The following KATNIP variants were observed in gnomAD, a reference collection of about 807,000 sequenced individuals.
The protein encoded by KATNIP is katanin interacting protein.
In KATNIP, 126 loss-of-function variants were observed where a neutral mutation model predicts 174.0. The ratio of observed to expected loss-of-function variants is 0.72; its 90% CI spans 0.63 to 0.84. The LOEUF (loss-of-function observed/expected upper bound fraction) is 0.84, where lower values mean the gene tolerates loss of function less well. Ranked by LOEUF, KATNIP falls within the 40% of genes least tolerant of loss-of-function variation. The pLI is 0.00. For synonymous variants in KATNIP, 810 were observed against 835.7 expected (o/e 0.97, Z 0.53); for missense variants, 1,958 against 2,109.7 (o/e 0.93, Z 1.41).
chr16:27,560,990 G>A (rs923623022), intron 1 of KATNIP, among the ~76,000 whole-genome samples: 11 of 152,008 alleles, frequency 7.2e-5, no homozygotes, highest in African/African-American at 2.4e-4. Context: ...TCCAGGGACC[G>A]TGGCTGCATC....
At chr16:27,691,895 G>A (rs2078747607) in intron 8 of KATNIP, among the ~76,000 whole-genome samples, 1 of 152,198 alleles carries the variant, frequency 6.6e-6, no homozygotes, top group African/African-American at 2.4e-5. Context: ...CCAAGAGGAA[G>A]TGAGCATAGG....
At chr16:27,760,376 TC>T (rs1265075367) in intron 18 of KATNIP, among the ~76,000 whole-genome samples, 1 of 152,192 alleles carries the variant, frequency 6.6e-6, no homozygotes, top group East Asian at 1.9e-4. Context: ...CAGGGCTTGA[TC>T]AAGAGATTCA....
At chr16:27,598,896 G>T (rs1392712951) in intron 2 of KATNIP, among the ~76,000 whole-genome samples, 1 of 152,166 alleles carries the variant, frequency 6.6e-6, no homozygotes, top group Non-Finnish European at 1.5e-5. Context: ...GTAGAAACAG[G>T]TGGGCCTTCA....
At chr16:27,641,433 T>G (rs958858423) in intron 5 of KATNIP, among the ~76,000 whole-genome samples, 4 of 151,910 alleles carry the variant, frequency 2.6e-5, no homozygotes, top group African/African-American at 7.3e-5. Flanking sequence ...ACCCAATCAC[T>G]GGGGGGACAG....
intron 6 of KATNIP, among the ~76,000 whole-genome samples, chr16:27,673,581 T>A (rs890374039): frequency 6.6e-6 from 1 of 152,186 alleles, no homozygotes; most frequent in South Asian, 2.1e-4. Flanking sequence ...CATTCTTTGT[T>A]GTGGGGCTGT....
At chr16:27,703,609 C>A (rs962279528) in intron 11 of KATNIP, among the ~76,000 whole-genome samples, 1 of 152,230 alleles carries the variant, frequency 6.6e-6, no homozygotes, top group African/African-American at 2.4e-5. Flanking sequence ...GGCCTTAGTT[C>A]AGCTGACCTC....
intron 3 of KATNIP, among the ~76,000 whole-genome samples, chr16:27,620,687 T>C (rs1320640821): frequency 6.6e-6 from 1 of 152,170 alleles, no homozygotes; most frequent in Non-Finnish European, 1.5e-5. Context: ...CGCTGGACAT[T>C]GAGGGAGATG....
intron 2 of KATNIP, among the ~76,000 whole-genome samples, chr16:27,589,824 G>A (rs1040406645): frequency 3.3e-5 from 5 of 151,166 alleles, no homozygotes; most frequent in South Asian, 2.1e-4. Flanking sequence ...ACAGAGTCTC[G>A]CTCTGTGGCC....
chr16:27,766,695 G>A (rs1051516239), intron 20 of KATNIP, among the ~76,000 whole-genome samples: 6 of 152,308 alleles, frequency 3.9e-5, no homozygotes, highest in Non-Finnish European at 7.4e-5. Context: ...GCACAGCACC[G>A]TTTCTCCTGG....
In KATNIP at chr16:27,584,706, G is replaced by T. The variant is rs533518535; in HGVS notation, c.63+10750G>T. On this transcript the variant is annotated intron_variant, in intron 2 of 27. Coordinates refer to ENST00000261588, the MANE Select transcript of KATNIP (RefSeq NM_015202.5). ...CTCAGGAGGCTGAGGCAGGAGAATC[G>T]CATGAACCCATGAGGCGGAGGTTGC... 8.6e-5 allele frequency among the ~76,000 whole-genome samples: 13 copies of T among 151,964 alleles called. No homozygotes were observed. The South Asian group carries it at 2.3e-3, about 27-fold the overall frequency.
chr16:27,685,680 T>C (rs2078496559), intron 8 of KATNIP, among the ~76,000 whole-genome samples: 1 of 152,234 alleles, frequency 6.6e-6, no homozygotes, highest in Non-Finnish European at 1.5e-5. Flanking sequence ...GGAATTCTTA[T>C]TTTGAACAGG....
At chr16:27,728,678 C>T (rs2080543605) in intron 14 of KATNIP, among the ~76,000 whole-genome samples, 1 of 152,224 alleles carries the variant, frequency 6.6e-6, no homozygotes, top group South Asian at 2.1e-4. Context: ...GATCCACTTG[C>T]CTCAGCCTCC....
At chr16:27,592,676 GA>G (rs1596835225) in intron 2 of KATNIP, among the ~76,000 whole-genome samples, 1 of 151,948 alleles carries the variant, frequency 6.6e-6, no homozygotes, top group East Asian at 1.9e-4. Context: ...GAGTGTGGGG[GA>G]CCAGCATGTT....
chr16:27,745,957 C>CTTTTTTT (rs759181249), intron 15 of KATNIP, among the ~76,000 whole-genome samples: 20 of 92,090 alleles, frequency 2.2e-4, no homozygotes, highest in Admixed American at 4.1e-4. Flanking sequence ...AACTCCTCTG[C>CTTTTTTT]TTTTTTTTTT....
At chr16:27,750,683 C>T (rs12386000) in intron 16 of KATNIP, among the ~76,000 whole-genome samples, 6,079 of 147,268 alleles carry the variant, frequency 0.041, 243 homozygotes, top group African/African-American at 0.091. Flanking sequence ...CTGCCCGTCT[C>T]GGCCTCCCAA....
chr16:27,700,042 C>G (rs1044391669), intron 10 of KATNIP, among the ~76,000 whole-genome samples: 3 of 152,056 alleles, frequency 2.0e-5, no homozygotes, highest in Non-Finnish European at 4.4e-5. Flanking sequence ...TCCCAAGTAG[C>G]TGGGATTACA....
intron 2 of KATNIP, among the ~76,000 whole-genome samples, chr16:27,616,925 A>AAAAAT (rs2076056981): frequency 1.1e-5 from 1 of 88,384 alleles, no homozygotes; most frequent in Non-Finnish European, 2.3e-5. Context: ...AAAAAAAAAA[A>AAAAAT]TGCTTTTTAA....
At chr16:27,674,564 A>G (rs888812865) in intron 6 of KATNIP, among the ~76,000 whole-genome samples, 1 of 152,122 alleles carries the variant, frequency 6.6e-6, no homozygotes, top group Non-Finnish European at 1.5e-5. Context: ...CGTATTCTCT[A>G]TTTGATGTTG....
intron 6 of KATNIP, among the ~76,000 whole-genome samples, chr16:27,660,226 G>C (rs2142463513): frequency 6.6e-6 from 1 of 152,266 alleles, no homozygotes; most frequent in South Asian, 2.1e-4. Flanking sequence ...CCTAGGTATG[G>C]TTTATAAGAA....
Sources: allele counts gnomAD v4.1 joint callset (sites outside exome capture counted in the v4.1 genomes callset), GRCh38; gene constraint gnomAD v4.1.1; transcripts MANE v1.5; gene names NCBI Gene and HGNC (gene_info 2026-07-23, HGNC 2026-07-21).